The following MAD1L1 variants were observed in gnomAD, a reference collection of about 807,000 sequenced individuals.
MAD1L1 encodes mitotic spindle assembly checkpoint protein MAD1.
A neutral mutation model predicts 96.9 loss-of-function variants in MAD1L1; 95 were observed. The ratio of observed to expected loss-of-function variants is 0.98; its 90% CI spans 0.83 to 1.16. The LOEUF (loss-of-function observed/expected upper bound fraction) is 1.16. MAD1L1 is among the 50% of genes most tolerant of loss of function. The pLI is 0.00. For missense variants in MAD1L1, 1,007 were observed against 954.4 expected (o/e 1.06, Z -0.73); for synonymous variants, 473 against 396.6 (o/e 1.19, Z -2.29).
chr7:2,183,121 C>A (rs1238053116), intron 10 of MAD1L1, among the ~76,000 whole-genome samples: 1 of 151,568 alleles, frequency 6.6e-6, no homozygotes, highest in Non-Finnish European at 1.5e-5. Flanking sequence ...ACTCAGGAAG[C>A]TGGATCACTT....
chr7:1,876,160 C>A (rs138660384), intron 18 of MAD1L1, among the ~76,000 whole-genome samples: 2 of 152,206 alleles, frequency 1.3e-5, no homozygotes, highest in Non-Finnish European at 2.9e-5. Context: ...AGCCCCTTGG[C>A]TCCATAGATC....
At chr7:1,817,842 A>G (rs955672887) in intron 18 of MAD1L1, among the ~76,000 whole-genome samples, 1 of 151,798 alleles carries the variant, frequency 6.6e-6, no homozygotes, top group African/African-American at 2.4e-5. Flanking sequence ...TCCCCTGTCC[A>G]CCGGAGCATG....
chr7:1,817,845 G>A (rs1267250076), intron 18 of MAD1L1, among the ~76,000 whole-genome samples: 1 of 151,960 alleles, frequency 6.6e-6, no homozygotes, highest in Non-Finnish European at 1.5e-5. Flanking sequence ...CCTGTCCACC[G>A]GAGCATGCCT....
chr7:2,087,256 T>C (rs961139884), intron 11 of MAD1L1, among the ~76,000 whole-genome samples: 1 of 152,066 alleles, frequency 6.6e-6, no homozygotes, highest in Non-Finnish European at 1.5e-5. Context: ...AATCGGGAAA[T>C]GGACCAGGCA....
intron 12 of MAD1L1, among the ~76,000 whole-genome samples, chr7:2,051,141 G>C (rs778814375): frequency 6.6e-6 from 1 of 152,204 alleles, no homozygotes; most frequent in African/African-American, 2.4e-5. Flanking sequence ...GCAGGACAAG[G>C]TTCCGGGCCT....
chr7:2,109,826 T>C (rs932122784), intron 11 of MAD1L1, among the ~76,000 whole-genome samples: 1 of 152,256 alleles, frequency 6.6e-6, no homozygotes, highest in African/African-American at 2.4e-5. Context: ...AATTTAGGAA[T>C]TAAGATTCAT....
intron 11 of MAD1L1, among the ~76,000 whole-genome samples, chr7:2,129,380 T>A (rs1788399807): frequency 6.6e-6 from 1 of 152,192 alleles, no homozygotes; most frequent in African/African-American, 2.4e-5. Context: ...GGACTGTGAA[T>A]GTGGACAGGC....
intron 3 of MAD1L1, among the ~76,000 whole-genome samples, chr7:2,226,704 T>C (rs1315700917): frequency 1.3e-5 from 2 of 152,186 alleles, no homozygotes; most frequent in Non-Finnish European, 2.9e-5. Flanking sequence ...GAATCTTCTC[T>C]TTAGGTTGGG....
chr7:2,204,884 G>A (rs1471772255), intron 10 of MAD1L1, among the ~76,000 whole-genome samples: 1 of 152,166 alleles, frequency 6.6e-6, no homozygotes, highest in East Asian at 1.9e-4. Flanking sequence ...CGTACCACTT[G>A]CTACTCCCAG....
Position 2,209,693 on chromosome 7 carries a change from C to T in MAD1L1, c.986+3519G>A, listed in dbSNP as rs562813991. Among the ~76,000 whole-genome samples the T allele has an allele frequency of 2.4e-4, 37 of 152,302 alleles. No homozygotes were observed. In the South Asian group the frequency reaches 5.2e-3, roughly 21 times the overall value. On this transcript the variant is annotated intron_variant, in intron 10 of 18. Transcript: ENST00000265854. Reference sequence around the variant, plus strand: ...CAGCTCCTCCACACCCACGGGGCCTCGGGCCTCGGCAAGCCCCAAATCCCA... The same window carrying T: ...CAGCTCCTCCACACCCACGGGGCCTTGGGCCTCGGCAAGCCCCAAATCCCA...
chr7:2,204,318 T>C (rs1476476512), intron 10 of MAD1L1, among the ~76,000 whole-genome samples: 1 of 152,214 alleles, frequency 6.6e-6, no homozygotes, highest in Non-Finnish European at 1.5e-5. Context: ...CCGTCTGCTG[T>C]TGACAGGCCA....
At chr7:1,981,253 C>T (rs1326728372) in intron 14 of MAD1L1, among the ~76,000 whole-genome samples, 1 of 152,204 alleles carries the variant, frequency 6.6e-6, no homozygotes, top group Non-Finnish European at 1.5e-5. Flanking sequence ...AAGCGTGAGC[C>T]GGTGTGCCCG....
chr7:1,914,598 A>G (rs1788251877), intron 17 of MAD1L1, among the ~76,000 whole-genome samples: 1 of 152,080 alleles, frequency 6.6e-6, no homozygotes, highest in African/African-American at 2.4e-5. Context: ...AGAACCCGAG[A>G]TCACATCGTG....
At chr7:2,159,040 C>G (rs1294071130) in intron 10 of MAD1L1, among the ~76,000 whole-genome samples, 1 of 152,224 alleles carries the variant, frequency 6.6e-6, no homozygotes, top group African/African-American at 2.4e-5. Context: ...GCCACTCACA[C>G]TCTTCCCAGC....
At chr7:1,830,953 A>C (rs1159403785) in intron 18 of MAD1L1, among the ~76,000 whole-genome samples, 1 of 152,236 alleles carries the variant, frequency 6.6e-6, no homozygotes, top group East Asian at 1.9e-4. Flanking sequence ...AGAATGTCAG[A>C]TTCTATGCAT....
intron 14 of MAD1L1, among the ~76,000 whole-genome samples, chr7:1,995,942 T>A (rs1222376910): frequency 6.6e-6 from 1 of 152,156 alleles, no homozygotes; most frequent in African/African-American, 2.4e-5. Context: ...ACCAGGAGGC[T>A]CTCATGATCA....
At chr7:1,958,843 G>T (rs1779837392) in intron 15 of MAD1L1, among the ~76,000 whole-genome samples, 1 of 152,244 alleles carries the variant, frequency 6.6e-6, no homozygotes. Context: ...AGAGACACAG[G>T]TAGAAGTGGA....
chr7:2,133,918 C>T (rs894703328), intron 11 of MAD1L1, among the ~76,000 whole-genome samples: 9 of 152,198 alleles, frequency 5.9e-5, no homozygotes, highest in South Asian at 2.1e-4. Context: ...CCATCAACAG[C>T]GCACCACCTT....
In MAD1L1 at chr7:2,103,545, C is replaced by A. The variant is rs1786928184; in HGVS notation, c.1074-34207G>T. On this transcript the variant is annotated intron_variant, in intron 11 of 18. Transcript: ENST00000265854. This position sits in a 1 kb window ranked among gnomAD's most constrained non-coding sequence, Gnocchi z 4.3. Reference sequence around the variant, plus strand: ...CCGTGCTCTTTGTTGGGCGGGGCAACCGCAGATGGGCCAGCACTGGGGCAA... The same window carrying A: ...CCGTGCTCTTTGTTGGGCGGGGCAAACGCAGATGGGCCAGCACTGGGGCAA... 1.3e-5 allele frequency among the ~76,000 whole-genome samples: 2 copies of A among 152,170 alleles called. No homozygotes were observed. The highest frequency in any genetic ancestry group is 4.8e-5 in the African/African-American group (2 of 41,458).
Sources: allele counts gnomAD v4.1 joint callset (sites outside exome capture counted in the v4.1 genomes callset), GRCh38; gene constraint gnomAD v4.1.1; non-coding constraint Gnocchi (gnomAD v3.1); transcripts MANE v1.5; gene names NCBI Gene and HGNC (gene_info 2026-07-23, HGNC 2026-07-21).